Variants in CTNS observed in about 807,000 individuals in gnomAD.
CTNS encodes cystinosin.
Under a neutral mutation model 43.7 loss-of-function variants are expected in CTNS, and 27 were observed. The ratio of observed to expected loss-of-function variants is 0.62; its 90% CI spans 0.46 to 0.85. The LOEUF is 0.85. CTNS is among the 40% of genes least tolerant of loss of function. CTNS has a pLI of 0.00. For synonymous variants in CTNS, 187 were observed against 190.6 expected, an observed-to-expected ratio of 0.98 and a Z score of 0.16; for missense variants, 457 against 475.4, an observed-to-expected ratio of 0.96 and a Z score of 0.36.
Position 3,659,856 on chromosome 17 carries a change from A to G in CTNS, c.853-2A>G, listed in dbSNP as rs1475322504. The G allele has an allele frequency of 6.2e-7, 1 of 1,611,800 alleles. No homozygotes were observed. Among genetic ancestry groups the G allele is most frequent in the Non-Finnish European group, 8.5e-7 (1 of 1,178,044 alleles). On this transcript the variant is annotated splice_acceptor_variant, in intron 10 of 11. Transcript: ENST00000046640. LOFTEE classifies it high-confidence loss of function. ...GTCTGTCTGTCCGTCTGTCTGGCCC[A>G]GGCCTACATGAACTTTTACTACAAA...
chr17:3,652,714 C>T (rs1171242854), intron 5 of CTNS, among the ~76,000 whole-genome samples: 1 of 152,124 alleles, frequency 6.6e-6, no homozygotes, highest in Non-Finnish European at 1.5e-5. Context: ...TGCCTAGTTC[C>T]AGAAGGGATT....
chr17:3,648,970 A>G (rs2075910307), intron 5 of CTNS, 39 bp downstream of exon 5: 3 of 1,492,032 alleles, frequency 2.0e-6, no homozygotes, highest in Non-Finnish European at 2.8e-6. Flanking sequence ...GGGAAATGCT[A>G]GGTAACAGAA....
At chr17:3,640,369 AC>A in intron 3 of CTNS, 102 bp downstream of exon 3, 1 of 1,268,518 alleles carries the variant, frequency 7.9e-7, no homozygotes, top group African/African-American at 1.5e-5. Flanking sequence ...AATCATTCAG[AC>A]CACATGTCTC....
intron 3 of CTNS, among the ~76,000 whole-genome samples, chr17:3,643,923 T>C (rs1188449502): frequency 2.6e-5 from 4 of 152,164 alleles, no homozygotes; most frequent in Admixed American, 2.0e-4. Flanking sequence ...TCGTAGCTAC[T>C]GAGGTGAGAG....
intron 11 of CTNS, 72 bp downstream of exon 11, chr17:3,660,047 T>C: frequency 6.8e-7 from 1 of 1,473,432 alleles, no homozygotes; most frequent in Non-Finnish European, 9.5e-7. Flanking sequence ...CCCGGGACCT[T>C]CCAGCCAGGG....
chr17:3,643,044 T>G (rs892460645), intron 3 of CTNS, among the ~76,000 whole-genome samples: 25 of 151,814 alleles, frequency 1.6e-4, no homozygotes, highest in Non-Finnish European at 3.4e-4. Context: ...GCCTGGCGCG[T>G]TGGCTCACGC....
At chr17:3,640,652 C>A (rs903316529) in intron 3 of CTNS, among the ~76,000 whole-genome samples, 4 of 152,236 alleles carry the variant, frequency 2.6e-5, no homozygotes, top group African/African-American at 9.6e-5. Context: ...AATTCCAGAG[C>A]TTTGGGAGGC....
chr17:3,655,250 G>C lies in CTNS; in HGVS notation c.359G>C (p.Ser120Thr), dbSNP rs2076099606. ...GPRIRFLVIR[S>T]SAISIINQVI... ...AGGATACGCTTTCTTGTGATCCGCAGCAGCGCCATTAGCATCATAAACCAG... is the reference window on the plus strand; with the variant it reads ...AGGATACGCTTTCTTGTGATCCGCACCAGCGCCATTAGCATCATAAACCAG... Residue 120 changes from serine (S) to threonine (T), a missense_variant, in exon 7 of 12, where the codon AGC becomes ACC. Coordinates refer to ENST00000046640, the MANE Select transcript of CTNS (RefSeq NM_004937.3). 1 of 1,614,108 alleles carries C rather than the reference G, an allele frequency of 6.2e-7. No individual in the cohort carries two copies. Among genetic ancestry groups the C allele is most frequent in the African/African-American group, 1.3e-5 (1 of 74,942 alleles).
intron 5 of CTNS, among the ~76,000 whole-genome samples, chr17:3,654,766 G>A (rs746865685): frequency 1.6e-4 from 25 of 152,062 alleles, no homozygotes; most frequent in Non-Finnish European, 3.1e-4. Flanking sequence ...AGGCTGAGGC[G>A]GGTAGATTGC....
chr17:3,637,598 C>T (rs1413983601), intron 2 of CTNS, among the ~76,000 whole-genome samples: 1 of 152,112 alleles, frequency 6.6e-6, no homozygotes, highest in Admixed American at 6.5e-5. Flanking sequence ...TTCCGAGTAG[C>T]TGGGACTACA....
At chr17:3,648,443 T>C (rs1167749903) in intron 4 of CTNS, among the ~76,000 whole-genome samples, 3 of 152,172 alleles carry the variant, frequency 2.0e-5, no homozygotes, top group Non-Finnish European at 4.4e-5. Flanking sequence ...GCTTTCCAAG[T>C]CCGGACTGCT....
Position 3,660,908 on chromosome 17 carries a change from C to T in CTNS, c.*539C>T. On this transcript the variant is annotated 3_prime_UTR_variant, in exon 12 of 12. Transcript: ENST00000046640. ...CCACTTTCCTGACGTACTCTCTGTA[C>T]ATAACTCAGCGTCCGTGACTGCAGT... is the stretch of plus-strand genomic sequence containing the variant. 1.0e-6 allele frequency: 1 copy of T among 957,706 alleles called. No homozygotes were observed. The highest frequency in any genetic ancestry group is 1.6e-6 in the Non-Finnish European group (1 of 633,084). The allele number at this position is 957,706 out of a possible 1,614,324, so 59.3% of individuals were successfully genotyped here.
At chr17:3,655,581 G>C in intron 7 of CTNS, 1 of 575,808 alleles carries the variant, frequency 1.7e-6, no homozygotes, top group Non-Finnish European at 3.1e-6. Context: ...CAGGAAAACA[G>C]GGAAAAGGGG....
intron 3 of CTNS, among the ~76,000 whole-genome samples, chr17:3,643,574 AT>A (rs1183142889): frequency 4.9e-5 from 7 of 143,048 alleles, no homozygotes; most frequent in Admixed American, 1.4e-4. Context: ...ACAAAAAAAA[AT>A]TTTTTTTTAA....
intron 5 of CTNS, among the ~76,000 whole-genome samples, chr17:3,651,629 G>A (rs1301267745): frequency 6.6e-6 from 1 of 152,120 alleles, no homozygotes; most frequent in Non-Finnish European, 1.5e-5. Flanking sequence ...AAGCTGTGAT[G>A]TGTGTACTTC....
At chr17:3,648,687 C>A (rs180853507) in intron 4 of CTNS, among the ~76,000 whole-genome samples, 160 bp from the exon 5 acceptor site, 1 of 152,212 alleles carries the variant, frequency 6.6e-6, no homozygotes, top group African/African-American at 2.4e-5. Context: ...GGAAGGCCTA[C>A]GGGAGCACGA....
intron 8 of CTNS, 39 bp downstream of exon 8, chr17:3,656,625 G>A (rs201287562): frequency 1.7e-4 from 278 of 1,611,864 alleles, no homozygotes; most frequent in Admixed American, 4.7e-4. Flanking sequence ...CCCACATGGC[G>A]TGGTGGCCCG....
rs142642362 is a variant in CTNS, at chr17:3,647,451, C to T, written c.69C>T (p.Ser23=). The change falls in exon 4 of 12, where the codon AGC becomes AGT. Residue 23 remains serine (S), a synonymous_variant. Transcript: ENST00000046640. ...PLKLVEKCES[S]VSLTVPPVVK... is the part of the protein sequence containing the mutation. ...TGATTTGGGTCCTTCCAGAGTCAAG[C>T]GTCAGCCTCACTGTTCCTCCTGTCG... 9 of 1,613,914 alleles carry T rather than the reference C, an allele frequency of 5.6e-6. No individual in the cohort carries two copies. The highest frequency in any genetic ancestry group is 5.3e-5 in the African/African-American group (4 of 74,920).
Position 3,660,927 on chromosome 17 carries a change from C to A in CTNS, c.*558C>A. 1 of 802,650 alleles carries A rather than the reference C, an allele frequency of 1.2e-6. No individual in the cohort carries two copies. Among genetic ancestry groups the A allele is most frequent in the Non-Finnish European group, 2.0e-6 (1 of 501,540 alleles). The allele number at this position is 802,650 out of a possible 1,614,324, so 49.7% of individuals were successfully genotyped here. Reference sequence around the variant, plus strand: ...TCTGTACATAACTCAGCGTCCGTGACTGCAGTAACAGCCAGCCCTACCCAG... The same window carrying A: ...TCTGTACATAACTCAGCGTCCGTGAATGCAGTAACAGCCAGCCCTACCCAG... On this transcript the variant is annotated 3_prime_UTR_variant, in exon 12 of 12. Coordinates refer to ENST00000046640, the MANE Select transcript of CTNS (RefSeq NM_004937.3).
Sources: allele counts gnomAD v4.1 joint callset (sites outside exome capture counted in the v4.1 genomes callset), GRCh38; gene constraint gnomAD v4.1.1; transcripts MANE v1.5; gene names NCBI Gene and HGNC (gene_info 2026-07-23, HGNC 2026-07-21).